The following MYLK variants were observed in gnomAD, a reference collection of about 807,000 sequenced individuals.
The protein encoded by MYLK is myosin light chain kinase, also known as myosin light chain kinase, smooth muscle.
Under a neutral mutation model 203.4 loss-of-function variants are expected in MYLK, and 106 were observed. The ratio of observed to expected loss-of-function variants is 0.52; its 90% CI spans 0.45 to 0.61. The LOEUF is 0.61. Ranked by LOEUF, MYLK falls within the 20% of genes least tolerant of loss-of-function variation. The pLI, the probability that MYLK is intolerant of heterozygous loss-of-function variation, is 0.00. For missense variants in MYLK, 2,072 were observed against 2,442.3 expected, an observed-to-expected ratio of 0.85 and a Z score of 3.20; for synonymous variants, 867 against 959.5, an observed-to-expected ratio of 0.90 and a Z score of 1.78.
At chr3:123,778,254 C>T (rs1306507251) in intron 4 of MYLK, among the ~76,000 whole-genome samples, 1 of 152,078 alleles carries the variant, frequency 6.6e-6, no homozygotes, top group African/African-American at 2.4e-5. Context: ...TAGAGTATAA[C>T]TGTGGTATTA....
intron 4 of MYLK, among the ~76,000 whole-genome samples, chr3:123,764,256 T>C (rs2063629772): frequency 6.6e-6 from 1 of 152,208 alleles, no homozygotes. Flanking sequence ...GAGGATTCCC[T>C]TGGACATCTG....
chr3:123,723,582 C>T (rs1180489660), intron 12 of MYLK, among the ~76,000 whole-genome samples: 1 of 152,206 alleles, frequency 6.6e-6, no homozygotes, highest in Non-Finnish European at 1.5e-5. Flanking sequence ...TTAACTGGAA[C>T]GTAACTCACT....
intron 2 of MYLK, among the ~76,000 whole-genome samples, chr3:123,855,631 C>A (rs2031296714): frequency 1.3e-5 from 2 of 150,886 alleles, no homozygotes; most frequent in Admixed American, 1.3e-4. Context: ...AGAGTGAGAC[C>A]CTGTCCTTAA....
rs1227912635 is a variant in MYLK, at chr3:123,657,507, GGGGGGAA to G, written c.3986-86_3986-80del. The G allele has an allele frequency of 1.4e-5, 21 of 1,452,632 alleles. No individual in the cohort carries two copies. The East Asian group carries it at 5.0e-4, about 35-fold the overall frequency. The allele number at this position is 1,452,632 out of a possible 1,614,324, so 90.0% of individuals were successfully genotyped here. On this transcript the variant is annotated intron_variant, in intron 23 of 33. Transcript: ENST00000360304. The stretch of plus-strand genomic sequence containing the variant: ...GAAGTTTTTGAATTACCTGTGTCAT[GGGGGGAA>G]GGCAGCCTAGAGAACCCAATCCAAA...
At chr3:123,792,672 C>T (rs1048737759) in intron 4 of MYLK, among the ~76,000 whole-genome samples, 7 of 152,186 alleles carry the variant, frequency 4.6e-5, no homozygotes, top group African/African-American at 1.7e-4. Flanking sequence ...GCGATTCTTC[C>T]TGTTGCTTCT....
intron 3 of MYLK, among the ~76,000 whole-genome samples, chr3:123,814,567 G>A (rs925250795): frequency 2.0e-5 from 3 of 152,030 alleles, no homozygotes; most frequent in African/African-American, 7.2e-5. Context: ...TTCTATGTAT[G>A]TACTTTTAAA....
Position 123,844,822 on chromosome 3 carries a change from GTTT to G in MYLK, c.-126-13155_-126-13153del, listed in dbSNP as rs146243787. On this transcript the variant is annotated intron_variant, in intron 2 of 33. Transcript: ENST00000360304. ...TAATATATAACTCTTCTCCTCAGTT[GTTT>G]TTTTTTTTTTTTTTTTTTTTTTAAA... 1.9e-3 allele frequency among the ~76,000 whole-genome samples: 218 copies of G among 117,806 alleles called. 1 individual carries two copies. Among genetic ancestry groups the G allele is most frequent in the Non-Finnish European group, 3.1e-3 (179 of 58,044 alleles). 77.3% of individuals were successfully genotyped at this position (117,806 alleles called of 152,430 possible).
chr3:123,850,889 A>C, intron 2 of MYLK, among the ~76,000 whole-genome samples: 1 of 152,200 alleles, frequency 6.6e-6, no homozygotes, highest in Non-Finnish European at 1.5e-5. Context: ...TCTAACATTT[A>C]AGTCTTTAAT....
Position 123,726,039 on chromosome 3 carries a change from A to T in MYLK, c.1556T>A (p.Val519Asp). The T allele has an allele frequency of 6.2e-7, 1 of 1,614,164 alleles. No homozygotes were observed. Among genetic ancestry groups the T allele is most frequent in the Non-Finnish European group, 8.5e-7 (1 of 1,180,032 alleles). The change falls in exon 12 of 34, where the codon GTC becomes GAC. Residue 519 changes from valine (V) to aspartate (D), a missense_variant. Around this residue, in one of 3 missense-constraint regions of MYLK, gnomAD observed 865 missense variants for 1,016.0 expected, o/e 0.85. Transcript: ENST00000360304. ...CTCAATAACAGCGCAGTCCTTCAGG[A>T]CACTGGAGAAGGAGGGGGCCACCTC... The part of the protein sequence containing the change: ...VMEVAPSFSS[V>D]LKDCAVIEGQ...
At chr3:123,735,098 C>T (rs1363145502) in intron 9 of MYLK, 16 of 421,354 alleles carry the variant, frequency 3.8e-5, no homozygotes, top group East Asian at 2.0e-4. Flanking sequence ...ATGAGGAAGG[C>T]GGCCTTCTCA....
intron 3 of MYLK, among the ~76,000 whole-genome samples, chr3:123,808,568 G>A (rs1560244530): frequency 2.0e-5 from 3 of 152,238 alleles, no homozygotes; most frequent in Admixed American, 6.5e-5. Flanking sequence ...AGCTGCTACA[G>A]GCTACACCCC....
Position 123,651,727 on chromosome 3 carries a change from C to T in MYLK, c.4289-2533G>A, listed in dbSNP as rs150655338. ...AGGGGGCATCCAGTCCTAGAGCTGG[C>T]CCCTGCCTGTCACTGTGAGTCCAGG... On this transcript the variant is annotated intron_variant, in intron 24 of 33. Transcript: ENST00000360304. 5.3e-3 allele frequency among the ~76,000 whole-genome samples: 812 copies of T among 152,292 alleles called. 11 individuals are homozygous for T. Among genetic ancestry groups the T allele is most frequent in the African/African-American group, 0.018 (729 of 41,566 alleles).
intron 19 of MYLK, chr3:123,691,450 G>A (rs1255033278): frequency 1.3e-5 from 2 of 152,210 alleles, no homozygotes; most frequent in East Asian, 3.9e-4. Context: ...GATCTCCAAG[G>A]AGAAGTACAC....
chr3:123,779,668 G>A (rs1025253018), intron 4 of MYLK, among the ~76,000 whole-genome samples: 1 of 152,238 alleles, frequency 6.6e-6, no homozygotes, highest in South Asian at 2.1e-4. Flanking sequence ...GCCACCACAT[G>A]AGAGAAGAAC....
chr3:123,722,467 G>C (rs2062127296), intron 12 of MYLK, among the ~76,000 whole-genome samples, 187 bp from the exon 13 acceptor site: 1 of 152,240 alleles, frequency 6.6e-6, no homozygotes, highest in Non-Finnish European at 1.5e-5. Context: ...GCTGGAGAAA[G>C]AGCCAGGGGC....
chr3:123,881,754 C>T (rs1393183172), intron 1 of MYLK, among the ~76,000 whole-genome samples: 1 of 152,176 alleles, frequency 6.6e-6, no homozygotes, highest in South Asian at 2.1e-4. Flanking sequence ...TTCTCAAAGA[C>T]ACTGAGTATA....
chr3:123,655,110 T>A (rs146223738), intron 24 of MYLK, among the ~76,000 whole-genome samples: 141 of 152,340 alleles, frequency 9.3e-4, no homozygotes, highest in African/African-American at 3.1e-3. Flanking sequence ...TTCTTCCATT[T>A]ATTCCTTAAC....
chr3:123,821,013 G>A (rs758590872), intron 3 of MYLK, among the ~76,000 whole-genome samples: 2 of 152,134 alleles, frequency 1.3e-5, no homozygotes, highest in Non-Finnish European at 1.5e-5. Flanking sequence ...ACAGGCGTGA[G>A]CCACCACGCC....
intron 20 of MYLK, 40 bp from the exon 21 acceptor site, chr3:123,667,227 G>T: frequency 1.2e-6 from 2 of 1,601,586 alleles, no homozygotes; most frequent in Non-Finnish European, 8.6e-7. Context: ...CTGTAGTTCT[G>T]TTTTTTTCAC....
Sources: allele counts gnomAD v4.1 joint callset (sites outside exome capture counted in the v4.1 genomes callset), GRCh38; gene constraint gnomAD v4.1.1; regional missense constraint gnomAD v4.1.1; transcripts MANE v1.5; gene names NCBI Gene and HGNC (gene_info 2026-07-23, HGNC 2026-07-21).